The following ATP1B3 variants were observed in gnomAD, a reference collection of about 807,000 sequenced individuals.
ATP1B3 encodes ATPase Na+/K+ transporting subunit beta 3, also known as sodium/potassium-transporting ATPase subunit beta-3.
ATP1B3 carries 10 observed loss-of-function variants against 30.2 expected under a neutral mutation model. The ratio of observed to expected loss-of-function variants is 0.33; its 90% confidence interval spans 0.20 to 0.56. The LOEUF is 0.56. ATP1B3 is among the 20% of genes least tolerant of loss of function. The probability of loss-of-function intolerance (pLI) is 0.90; values close to 1 mark genes in which losing one functional copy is unlikely to be tolerated. For missense variants in ATP1B3, 238 were observed against 336.7 expected (o/e 0.71, Z 2.29); for synonymous variants, 113 against 117.0 (o/e 0.97, Z 0.22).
intron 1 of ATP1B3, among the ~76,000 whole-genome samples, chr3:141,896,187 G>A (rs567194912): frequency 4.6e-5 from 7 of 151,184 alleles, no homozygotes; most frequent in Non-Finnish European, 8.8e-5. Flanking sequence ...TCCCCTTCTC[G>A]GCTGGGGATG....
At chr3:141,920,605 T>A (rs1465233456) in intron 5 of ATP1B3, among the ~76,000 whole-genome samples, 1 of 152,124 alleles carries the variant, frequency 6.6e-6, no homozygotes, top group Non-Finnish European at 1.5e-5. Flanking sequence ...CTTTTTTTCA[T>A]TTTGCGGAAA....
At chr3:141,901,476 A>G (rs1934162701) in intron 1 of ATP1B3, among the ~76,000 whole-genome samples, 1 of 152,224 alleles carries the variant, frequency 6.6e-6, no homozygotes, top group African/African-American at 2.4e-5. Context: ...GGTTCTTGGC[A>G]GAAGGATCTT....
At chr3:141,876,958 G>T (rs1035552803) in intron 1 of ATP1B3, 48 bp downstream of exon 1, 1 of 1,442,424 alleles carries the variant, frequency 6.9e-7, no homozygotes, top group Non-Finnish European at 9.3e-7. Context: ...GGTCCCGGGG[G>T]CGCCGGGCGC....
chr3:141,879,234 T>G (rs1274430018), intron 1 of ATP1B3, among the ~76,000 whole-genome samples: 3 of 152,188 alleles, frequency 2.0e-5, no homozygotes, highest in African/African-American at 7.2e-5. Context: ...TACTAAAGAT[T>G]TTTAGACAGG....
chr3:141,890,086 CTTTTT>C (rs1245235657), intron 1 of ATP1B3, among the ~76,000 whole-genome samples: 1 of 107,550 alleles, frequency 9.3e-6, no homozygotes, highest in African/African-American at 3.7e-5. Context: ...AATTTTTTTT[CTTTTT>C]TTTTTTTTTT....
Position 141,907,209 on chromosome 3 carries a change from C to T in ATP1B3, c.281C>T (p.Thr94Ile). 1 of 1,611,980 alleles carries T rather than the reference C, an allele frequency of 6.2e-7. No homozygotes were observed. Among genetic ancestry groups the T allele is most frequent in the Non-Finnish European group, 8.5e-7 (1 of 1,179,178 alleles). Reference sequence around the variant, plus strand: ...AAACCAGTGACCGCATTGGAATATACATTCAGTAGGTCTGATCCAACTTCG... The same window carrying T: ...AAACCAGTGACCGCATTGGAATATATATTCAGTAGGTCTGATCCAACTTCG... The part of the protein sequence containing the change: ...FPKPVTALEY[T>I]FSRSDPTSYA... The change falls in exon 3 of 7, where the codon ACA (threonine) becomes ATA (isoleucine). Residue 94 changes from threonine to isoleucine, a missense_variant. By Grantham distance (89) the Thr-to-Ile change is moderately conservative (BLOSUM62 -1). Coordinates refer to ENST00000286371, the MANE Select transcript of ATP1B3 (RefSeq NM_001679.4).
At chr3:141,900,783 T>C (rs891239107) in intron 1 of ATP1B3, among the ~76,000 whole-genome samples, 1 of 151,948 alleles carries the variant, frequency 6.6e-6, no homozygotes, top group African/African-American at 2.4e-5. Context: ...CTGGTTGTTT[T>C]CTTGTTTTTG....
chr3:141,900,582 A>G (rs1934144964), intron 1 of ATP1B3, among the ~76,000 whole-genome samples: 1 of 152,174 alleles, frequency 6.6e-6, no homozygotes, highest in African/African-American at 2.4e-5. Flanking sequence ...CTAGTTGGTC[A>G]GAAGTGTGGG....
chr3:141,924,072 G>T (rs6798210), intron 6 of ATP1B3, among the ~76,000 whole-genome samples: 119,307 of 152,198 alleles, frequency 0.78, 47,495 homozygotes, highest in African/African-American at 0.93. Context: ...TGCCTGGCAC[G>T]GTGGCTCACG....
At chr3:141,902,085 A>G (rs895023403) in intron 1 of ATP1B3, 5 of 1,247,630 alleles carry the variant, frequency 4.0e-6, no homozygotes, top group South Asian at 2.5e-5. Flanking sequence ...ATTTCCCTCT[A>G]TAGCAAACTG....
intron 1 of ATP1B3, 93 bp from the exon 2 acceptor site, chr3:141,903,527 G>C (rs186982708): frequency 4.3e-5 from 67 of 1,554,708 alleles, no homozygotes; most frequent in Non-Finnish European, 5.5e-5. Context: ...TCGTACCCTT[G>C]CAAGAACAGT....
intron 1 of ATP1B3, among the ~76,000 whole-genome samples, chr3:141,879,390 C>A (rs1424729269): frequency 2.0e-5 from 3 of 152,114 alleles, no homozygotes; most frequent in Non-Finnish European, 4.4e-5. Context: ...AAGTTTCTAA[C>A]AATTTATACT....
intron 1 of ATP1B3, among the ~76,000 whole-genome samples, chr3:141,879,100 C>T (rs976804526): frequency 3.3e-5 from 5 of 152,132 alleles, no homozygotes; most frequent in African/African-American, 1.2e-4. Flanking sequence ...GTCATCATAC[C>T]TCAGAGATAC....
chr3:141,884,018 T>C (rs1933784463), intron 1 of ATP1B3, among the ~76,000 whole-genome samples: 1 of 152,220 alleles, frequency 6.6e-6, no homozygotes, highest in Non-Finnish European at 1.5e-5. Context: ...TATTGCTCTT[T>C]TCAGCTTCTT....
chr3:141,888,817 C>T (rs7642890), intron 1 of ATP1B3, among the ~76,000 whole-genome samples: 35,872 of 152,014 alleles, frequency 0.24, 4,416 homozygotes, highest in African/African-American at 0.28. Flanking sequence ...TCTTGCTTGC[C>T]GCCATGTAAG....
intron 6 of ATP1B3, 189 bp downstream of exon 6, chr3:141,922,252 C>T (rs1393253593): frequency 6.6e-6 from 3 of 455,250 alleles, no homozygotes; most frequent in East Asian, 4.5e-5. Context: ...AACACAGAAC[C>T]CAAGCAGATA....
intron 1 of ATP1B3, 31 bp downstream of exon 1, chr3:141,876,941 C>T (rs1472006934): frequency 2.0e-6 from 3 of 1,520,820 alleles, no homozygotes; most frequent in African/African-American, 1.5e-5. Context: ...CGTCCGGGGC[C>T]GGCCTCGGTC....
At position 141,900,383 on chromosome 3, in the gene ATP1B3, G is replaced by A. The variant is rs7617284; in HGVS notation, c.110-3237G>A. Among the ~76,000 whole-genome samples the A allele has an allele frequency of 6.9e-3, 1,045 of 152,298 alleles. 11 individuals carry two copies. Among genetic ancestry groups the A allele is most frequent in the African/African-American group, 0.024 (987 of 41,556 alleles). On this transcript the variant is annotated intron_variant, in intron 1 of 6. Coordinates refer to ENST00000286371, the MANE Select transcript of ATP1B3 (RefSeq NM_001679.4). ...AGCTGCCAGGTTAGGAAACACATGT[G>A]CTGGGAGGGAGATAGCCCTGATTCC...
Position 141,876,829 on chromosome 3 carries a change from A to G in ATP1B3, c.28A>G (p.Asn10Asp), listed in dbSNP as rs566342270. The change falls in exon 1 of 7, where the codon AAC becomes GAC. Residue 10 changes from asparagine to aspartate, a missense_variant. By Grantham distance (23) the Asn-to-Asp change is conservative (BLOSUM62 1). Around this residue, in one of 3 missense-constraint regions of ATP1B3, gnomAD observed 130 missense variants for 148.8 expected, o/e 0.87. Transcript: ENST00000286371. The part of the protein sequence containing the change: MTKNEKKSL[N>D]QSLAEWKLFI... ...GACGAAGAACGAGAAGAAGTCCCTC[A>G]ACCAGAGCCTGGCCGAGTGGAAGCT... The G allele has an allele frequency of 6.3e-7, 1 of 1,586,662 alleles. No individual in the cohort carries two copies. The highest frequency in any genetic ancestry group is 1.4e-5 in the African/African-American group (1 of 71,894).
Sources: gnomAD v4.1 joint callset for allele counts (sites outside exome capture counted in the v4.1 genomes callset) on GRCh38, gnomAD v4.1.1 for gene constraint, gnomAD v4.1.1 regional missense constraint, MANE v1.5 for transcripts, NCBI Gene and HGNC (gene_info 2026-07-23, HGNC 2026-07-21) for gene names.